RAB37: variants seen among roughly 807,000 people sequenced by gnomAD.
RAB37 encodes the protein RAB37, member RAS oncogene family.
RAB37 carries 29 observed loss-of-function variants against 33.1 expected under a neutral mutation model. The ratio of observed to expected loss-of-function variants is 0.88; its 90% CI spans 0.65 to 1.20. RAB37 has a LOEUF of 1.20. RAB37 is among the 50% of genes most tolerant of loss of function. RAB37 has a pLI of 0.00. For synonymous variants in RAB37, 128 were observed against 119.5 expected, an observed-to-expected ratio of 1.07 and a Z score of -0.47; for missense variants, 299 against 301.1, an observed-to-expected ratio of 0.99 and a Z score of 0.05.
chr17:74,719,404 T>C (rs567480691), intron 1 of RAB37, among the ~76,000 whole-genome samples: 3 of 152,122 alleles, frequency 2.0e-5, no homozygotes, highest in Non-Finnish European at 4.4e-5. Context: ...TGACTCGTCA[T>C]CATGAGCCAC....
chr17:74,683,823 G>T (rs1053150084), intron 1 of RAB37, among the ~76,000 whole-genome samples: 1 of 152,106 alleles, frequency 6.6e-6, no homozygotes, highest in Non-Finnish European at 1.5e-5. Flanking sequence ...CAAAGGAGTG[G>T]GCAGCACCAC....
rs57513588 is a variant in RAB37 at position 74,718,316 on chromosome 17, CATCATATCAT to C, written c.73-10901_73-10892del. On this transcript the variant is annotated intron_variant, in intron 1 of 7. Coordinates refer to the RAB37 transcript ENST00000340415. ...CTCTAAAACATCATATCATATCATA[CATCATATCAT>C]ATCATATCATATCATATCATATCAT... Among the ~76,000 whole-genome samples the C allele has an allele frequency of 5.9e-3, 875 of 147,674 alleles. 3 individuals are homozygous for C. Among genetic ancestry groups the C allele is most frequent in the Middle Eastern group, 0.01 (3 of 292 alleles).
chr17:74,680,610 G>T (rs918539435), intron 1 of RAB37, among the ~76,000 whole-genome samples: 3 of 152,070 alleles, frequency 2.0e-5, no homozygotes, highest in Non-Finnish European at 4.4e-5. Context: ...CTACCCTTAG[G>T]TCCTCTCCCC....
At chr17:74,703,250 A>C in intron 1 of RAB37, 1 of 813,592 alleles carries the variant, frequency 1.2e-6, no homozygotes, top group Non-Finnish European at 2.0e-6. Flanking sequence ...CTGGACTGCT[A>C]CTATGGGAAG....
chr17:74,698,481 C>T, intron 1 of RAB37: 1 of 1,612,922 alleles, frequency 6.2e-7, no homozygotes, highest in Non-Finnish European at 8.5e-7. Flanking sequence ...GGAGCTTGTG[C>T]CTAGAAACAA....
At chr17:74,726,012 G>A (rs931265284) in intron 1 of RAB37, among the ~76,000 whole-genome samples, 10 of 151,980 alleles carry the variant, frequency 6.6e-5, no homozygotes, top group African/African-American at 2.2e-4. Flanking sequence ...CGAGGCAGGT[G>A]GATCACGAGG....
Position 74,744,536 on chromosome 17 carries a change from T to A in RAB37, c.432+163T>A. ...TCTGGAGGCTTCTGCCCATCCCATC[T>A]GCCCCTTCCAGGGAAAGTCCAAGTT... On this transcript the variant is annotated intron_variant, in intron 6 of 8. Coordinates refer to ENST00000392613, the MANE Select transcript of RAB37 (RefSeq NM_001006638.3). This position sits in a 1 kb window ranked among gnomAD's most constrained non-coding sequence, Gnocchi z 4.2. 3 of 691,948 alleles carry A rather than the reference T, an allele frequency of 4.3e-6. No homozygotes were observed. The highest frequency in any genetic ancestry group is 5.0e-6 in the Non-Finnish European group (2 of 402,590). The allele number at this position is 691,948 out of a possible 1,614,324, so 42.9% of individuals were successfully genotyped here.
upstream of RAB37, chr17:74,737,058 G>A (rs779140138): frequency 1.2e-6 from 2 of 1,608,742 alleles, no homozygotes; most frequent in Non-Finnish European, 8.5e-7. Context: ...GTTGCTCAGG[G>A]AGGCTGCCCG....
chr17:74,715,480 C>CAGAT (rs2034153906), intron 1 of RAB37, among the ~76,000 whole-genome samples: 2 of 152,196 alleles, frequency 1.3e-5, no homozygotes, highest in South Asian at 4.1e-4. Flanking sequence ...GGGCACCATG[C>CAGAT]AGATACTCAG....
chr17:74,681,300 G>A (rs1364473431), intron 1 of RAB37, among the ~76,000 whole-genome samples: 6 of 152,214 alleles, frequency 3.9e-5, no homozygotes, highest in African/African-American at 1.4e-4. Flanking sequence ...ACGGATCTGA[G>A]GGGTTATAAA....
intron 1 of RAB37, among the ~76,000 whole-genome samples, chr17:74,723,907 A>C (rs1241450439): frequency 6.6e-6 from 1 of 152,116 alleles, no homozygotes; most frequent in Admixed American, 6.6e-5. Context: ...AGAAACACAA[A>C]GAGGGAAGGC....
At chr17:74,733,615 G>C (rs555578562), upstream of RAB37, among the ~76,000 whole-genome samples, 1 of 95,894 alleles carries the variant, frequency 1.0e-5, no homozygotes, top group African/African-American at 3.8e-5. Flanking sequence ...GGGTGCACAC[G>C]TGTGAGTGTC....
chr17:74,744,529 T>C lies in RAB37; in HGVS notation c.432+156T>C. 1 of 715,620 alleles carries C rather than the reference T, an allele frequency of 1.4e-6. No homozygotes were observed. Among genetic ancestry groups the C allele is most frequent in the Non-Finnish European group, 2.4e-6 (1 of 417,490 alleles). 44.3% of individuals were successfully genotyped at this position (715,620 alleles called of 1,614,324 possible). A position where few individuals can be genotyped will look rare whatever the true frequency, so the allele number is the denominator to read the frequency against. ...AGACATATCTGGAGGCTTCTGCCCATCCCATCTGCCCCTTCCAGGGAAAGT... is the reference window on the plus strand; with the variant it reads ...AGACATATCTGGAGGCTTCTGCCCACCCCATCTGCCCCTTCCAGGGAAAGT... On this transcript the variant is annotated intron_variant, in intron 6 of 8. Transcript: ENST00000392613. This position sits in a 1 kb window ranked among gnomAD's most constrained non-coding sequence, Gnocchi z 4.2.
chr17:74,727,881 T>A (rs915638470), intron 1 of RAB37, among the ~76,000 whole-genome samples: 3 of 152,102 alleles, frequency 2.0e-5, no homozygotes, highest in Non-Finnish European at 4.4e-5. Flanking sequence ...TGTTTGTGTT[T>A]ATGTTTGTGT....
intron 1 of RAB37, among the ~76,000 whole-genome samples, chr17:74,677,087 T>C (rs2031850682): frequency 6.6e-6 from 1 of 152,052 alleles, no homozygotes; most frequent in Non-Finnish European, 1.5e-5. Flanking sequence ...GAAGCAGAAG[T>C]TGCAGTGAGC....
chr17:74,671,247 T>A lies in RAB37; in HGVS notation c.-340T>A, dbSNP rs914908811. On this transcript the variant is annotated 5_prime_UTR_variant, in exon 1 of 8. Coordinates refer to the RAB37 transcript ENST00000340415. This position sits in a 1 kb window ranked among gnomAD's most constrained non-coding sequence, Gnocchi z 5.0. ...GGTAGCTGAATGAAATACGCAGGGA[T>A]CACCAGCCGGACCCAAATCTTGCGT... 3.5e-6 allele frequency: 1 copy of A among 288,088 alleles called. No homozygotes were observed. The highest frequency in any genetic ancestry group is 4.4e-5 in the Admixed American group (1 of 22,820). 17.8% of individuals were successfully genotyped at this position (288,088 alleles called of 1,614,324 possible).
intron 1 of RAB37, among the ~76,000 whole-genome samples, chr17:74,691,555 C>T (rs2032157255): frequency 6.6e-6 from 1 of 152,164 alleles, no homozygotes; most frequent in Admixed American, 6.5e-5. Context: ...CACTGCTCTT[C>T]AGCAGCCCAT....
intron 1 of RAB37, among the ~76,000 whole-genome samples, chr17:74,698,866 A>T (rs1229294844): frequency 1.8e-4 from 27 of 152,218 alleles, no homozygotes. Flanking sequence ...AAGCTAAAAT[A>T]AAAGTTTTTA....
chr17:74,675,612 T>C (rs1344860232), intron 1 of RAB37, among the ~76,000 whole-genome samples: 1 of 152,154 alleles, frequency 6.6e-6, no homozygotes, highest in Non-Finnish European at 1.5e-5. Flanking sequence ...TCCATGGAAA[T>C]AAACTCACAC....
Sources: gnomAD v4.1 joint callset for allele counts (sites outside exome capture counted in the v4.1 genomes callset) on GRCh38, gnomAD v4.1.1 for gene constraint, Gnocchi (gnomAD v3.1) non-coding constraint, MANE v1.5 for transcripts, NCBI Gene and HGNC (gene_info 2026-07-23, HGNC 2026-07-21) for gene names.